The following HIVEP3 variants were observed in gnomAD, a reference collection of about 807,000 sequenced individuals.
The protein encoded by HIVEP3 is transcription factor HIVEP3.
A neutral mutation model predicts 152.8 loss-of-function variants in HIVEP3; 49 were observed. The ratio of observed to expected loss-of-function variants is 0.32; its 90% confidence interval spans 0.26 to 0.41. HIVEP3 has a LOEUF of 0.41. HIVEP3 is among the 10% of genes least tolerant of loss of function. HIVEP3 has a pLI of 1.00. For missense variants in HIVEP3, 2,790 were observed against 3,103.3 expected, an observed-to-expected ratio of 0.90 and a Z score of 2.40; for synonymous variants, 1,269 against 1,289.0, an observed-to-expected ratio of 0.98 and a Z score of 0.33.
chr1:41,706,733 T>A (rs1396995509), intron 1 of HIVEP3, among the ~76,000 whole-genome samples: 1 of 152,202 alleles, frequency 6.6e-6, no homozygotes, highest in Non-Finnish European at 1.5e-5. Context: ...GCCCAGATTT[T>A]GGAGAGGAAT....
chr1:41,878,674 C>A (rs927390297), intron 1 of HIVEP3, among the ~76,000 whole-genome samples: 13 of 150,510 alleles, frequency 8.6e-5, no homozygotes, highest in Non-Finnish European at 1.3e-4. Flanking sequence ...TTCCTCTCTC[C>A]CTCCCTTCCC....
intron 1 of HIVEP3, among the ~76,000 whole-genome samples, chr1:42,033,178 T>C (rs910175492): frequency 6.6e-6 from 1 of 152,166 alleles, no homozygotes; most frequent in African/African-American, 2.4e-5. Context: ...GGGAACTCTT[T>C]GGTCTGCCAT....
rs576025724 is a variant in HIVEP3, at chr1:41,960,258, C to G, written n.120-41734G>C. On this transcript the variant is annotated intron_variant and non_coding_transcript_variant, in intron 1 of 3. Transcript: ENST00000489103. ...AGTATGGCCTCAGGACCAACTGCAA[C>G]CATGGAGACGGTAGTTTGTCCCAAT... is the stretch of plus-strand genomic sequence containing the variant. 1.5e-4 allele frequency among the ~76,000 whole-genome samples: 23 copies of G among 152,254 alleles called. No individual in the cohort carries two copies. In the South Asian group the frequency reaches 4.4e-3, roughly 29 times the overall value.
chr1:41,688,815 G>A (rs1034077503), intron 2 of HIVEP3, among the ~76,000 whole-genome samples: 4 of 151,864 alleles, frequency 2.6e-5, no homozygotes, highest in African/African-American at 7.3e-5. Context: ...TTCCCCAAAC[G>A]GATCTGTTTT....
Position 41,993,336 on chromosome 1 carries a change from A to G in HIVEP3, n.119+42471T>C, listed in dbSNP as rs1183936913. On this transcript the variant is annotated intron_variant and non_coding_transcript_variant, in intron 1 of 3. Transcript: ENST00000489103. ...CAAACAACCCCATCAAAAAGTGGGC[A>G]AAGGACATGAACAGACACTTCTCAA... 7.3e-5 allele frequency among the ~76,000 whole-genome samples: 11 copies of G among 150,746 alleles called. 1 individual carries two copies. The highest frequency in any genetic ancestry group is 4.2e-4 in the South Asian group (2 of 4,722).
intron 1 of HIVEP3, among the ~76,000 whole-genome samples, chr1:41,820,512 G>C (rs1642563340): frequency 6.6e-6 from 1 of 152,124 alleles, no homozygotes; most frequent in South Asian, 2.1e-4. Flanking sequence ...CTGATTACAT[G>C]GTCACTTTTA....
intron 3 of HIVEP3, among the ~76,000 whole-genome samples, chr1:41,587,590 C>T (rs1353608299): frequency 6.6e-6 from 1 of 152,242 alleles, no homozygotes; most frequent in Non-Finnish European, 1.5e-5. Flanking sequence ...TGCCAACTGT[C>T]TCTGGGTGTC....
intron 1 of HIVEP3, among the ~76,000 whole-genome samples, chr1:41,864,917 T>C (rs1643941650): frequency 6.6e-6 from 1 of 152,226 alleles, no homozygotes. Flanking sequence ...GCAGATTCTC[T>C]TCACAGAGCT....
rs529220858 is a variant in HIVEP3, at chr1:41,584,444, T to G, written c.354A>C (p.Thr118=). The G allele has an allele frequency of 9.9e-6, 16 of 1,614,036 alleles. No individual in the cohort carries two copies. Among genetic ancestry groups the G allele is most frequent in the Non-Finnish European group, 1.4e-5 (16 of 1,179,984 alleles). ...GKPEHLLEGS[T]WQLVDPMRPG... ...GTCTCATGGGGTCAACCAGTTGCCA[T>G]GTGGACCCCTCCAGGAGATGCTCAG... Residue 118 remains threonine, a synonymous_variant, in exon 4 of 9, where the codon ACA becomes ACC. Transcript: ENST00000372583. The surrounding 1 kb of genome is among the most constrained non-coding windows in gnomAD (Gnocchi z 5.2).
chr1:41,800,598 T>A (rs1268112297), intron 1 of HIVEP3, among the ~76,000 whole-genome samples: 1 of 152,204 alleles, frequency 6.6e-6, no homozygotes, highest in East Asian at 1.9e-4. Flanking sequence ...TAATAAATCA[T>A]GATTTTAAGC....
At chr1:41,701,772 T>C (rs1438218608) in intron 1 of HIVEP3, among the ~76,000 whole-genome samples, 2 of 152,224 alleles carry the variant, frequency 1.3e-5, no homozygotes, top group Non-Finnish European at 2.9e-5. Flanking sequence ...CCACTACATA[T>C]ATTTAAATTA....
chr1:41,523,320 G>C (rs968986030), intron 6 of HIVEP3, among the ~76,000 whole-genome samples: 2 of 152,196 alleles, frequency 1.3e-5, no homozygotes, highest in African/African-American at 2.4e-5. Flanking sequence ...GGGCCAATGT[G>C]CCCTCTCTGG....
chr1:41,634,081 T>C (rs1354130397), intron 2 of HIVEP3, among the ~76,000 whole-genome samples: 1 of 150,268 alleles, frequency 6.7e-6, no homozygotes, highest in African/African-American at 2.5e-5. Context: ...CAGAGAGAAG[T>C]ATAAAATAGT....
intron 1 of HIVEP3, among the ~76,000 whole-genome samples, chr1:41,896,084 G>T (rs1471933155): frequency 6.6e-6 from 1 of 152,134 alleles, no homozygotes; most frequent in Admixed American, 6.5e-5. Context: ...AGTGGTGGAG[G>T]GGGTACTTCT....
chr1:41,710,760 A>G (rs1646501273), intron 1 of HIVEP3, among the ~76,000 whole-genome samples: 1 of 152,068 alleles, frequency 6.6e-6, no homozygotes, highest in South Asian at 2.1e-4. Flanking sequence ...GTGGCCTCAC[A>G]CCCCAAGCCT....
At chr1:41,743,947 C>T (rs1037774994) in intron 1 of HIVEP3, among the ~76,000 whole-genome samples, 7 of 152,114 alleles carry the variant, frequency 4.6e-5, no homozygotes, top group African/African-American at 1.2e-4. Context: ...GATTTCTACC[C>T]GTGTCAAAAA....
intron 2 of HIVEP3, among the ~76,000 whole-genome samples, chr1:41,636,389 C>A (rs10890153): frequency 0.59 from 89,255 of 152,004 alleles, 27,316 homozygotes; most frequent in African/African-American, 0.76. Flanking sequence ...TATTTCTATA[C>A]TTTAGTGTTG....
intron 1 of HIVEP3, among the ~76,000 whole-genome samples, chr1:41,821,857 G>T (rs915850003): frequency 2.0e-5 from 3 of 152,178 alleles, no homozygotes; most frequent in Non-Finnish European, 4.4e-5. Flanking sequence ...TGCTTTAATT[G>T]TGTTGATCAT....
Position 41,579,867 on chromosome 1 carries a change from G to C in HIVEP3, c.4931C>G (p.Thr1644Ser), listed in dbSNP as rs1644374222. Residue 1644 changes from threonine to serine, a missense_variant, in exon 4 of 9, where the codon ACT (threonine) becomes AGT (serine). Thr to Ser is a moderately conservative substitution (Grantham distance 58, BLOSUM62 1). Transcript: ENST00000372583. ...CCTCAGGAGGGACAAAGCAGCTTTA[G>C]TGGAAACCCCCGGAAGGTTGGGGTT... ...LYNPNLPGVSTKAALSLLRSK... is the reference protein window; with the variant it reads ...LYNPNLPGVSSKAALSLLRSK... 1 of 1,614,230 alleles carries C rather than the reference G, an allele frequency of 6.2e-7. No homozygotes were observed. The highest frequency in any genetic ancestry group is 8.5e-7 in the Non-Finnish European group (1 of 1,180,028).
Sources: allele counts gnomAD v4.1 joint callset (sites outside exome capture counted in the v4.1 genomes callset), GRCh38; gene constraint gnomAD v4.1.1; non-coding constraint Gnocchi (gnomAD v3.1); transcripts MANE v1.5; gene names NCBI Gene and HGNC (gene_info 2026-07-23, HGNC 2026-07-21).